SNX4: variants seen among roughly 807,000 people sequenced by gnomAD.
SNX4 encodes the protein sorting nexin 4, also known as sorting nexin-4.
Under a neutral mutation model 70.8 loss-of-function variants are expected in SNX4, and 49 were observed. The observed-to-expected ratio is 0.69, with a 90% confidence interval of 0.55 to 0.88. The LOEUF (loss-of-function observed/expected upper bound fraction) is 0.88. SNX4 is among the 40% of genes least tolerant of loss of function. The probability of loss-of-function intolerance (pLI) is 0.00; values close to 1 mark genes in which losing one functional copy is unlikely to be tolerated. For synonymous variants in SNX4, 206 were observed against 183.8 expected (o/e 1.12, Z -0.98); for missense variants, 528 against 544.8 (o/e 0.97, Z 0.31).
At chr3:125,515,417 T>C (rs1345213723) in intron 1 of SNX4, among the ~76,000 whole-genome samples, 2 of 151,358 alleles carry the variant, frequency 1.3e-5, no homozygotes, top group Non-Finnish European at 2.9e-5. Context: ...ATCCCAGCAA[T>C]TTGGGGGGCT....
intron 6 of SNX4, among the ~76,000 whole-genome samples, chr3:125,486,326 G>GA (rs1189301211): frequency 6.6e-6 from 1 of 150,776 alleles, no homozygotes; most frequent in African/African-American, 2.4e-5. Context: ...TCTTTTAAAA[G>GA]AAAAAAACTA....
intron 10 of SNX4, 69 bp from the exon 11 acceptor site, chr3:125,457,434 G>A (rs1398987340): frequency 8.6e-7 from 1 of 1,166,922 alleles, no homozygotes; most frequent in Non-Finnish European, 1.3e-6. Flanking sequence ...TTCAAGGGTA[G>A]AGGAGAACCA....
chr3:125,479,915 G>A (rs79603595), intron 7 of SNX4, among the ~76,000 whole-genome samples: 7,323 of 151,880 alleles, frequency 0.048, 413 homozygotes, highest in African/African-American at 0.13. Flanking sequence ...ACTATTTCAC[G>A]GACCTTTAAA....
intron 1 of SNX4, among the ~76,000 whole-genome samples, chr3:125,514,626 A>T (rs2107574862): frequency 6.6e-6 from 1 of 152,262 alleles, no homozygotes; most frequent in Non-Finnish European, 1.5e-5. Flanking sequence ...TCCCGACCTC[A>T]GGTGATCCGC....
chr3:125,478,355 C>CT (rs1251056623), intron 7 of SNX4, among the ~76,000 whole-genome samples: 1 of 151,878 alleles, frequency 6.6e-6, no homozygotes, highest in Non-Finnish European at 1.5e-5. Context: ...CAGGTACGAG[C>CT]CACTGTGCCT....
intron 11 of SNX4, among the ~76,000 whole-genome samples, chr3:125,456,897 GTGATCCAC>G (rs1468107824): frequency 6.6e-6 from 1 of 152,010 alleles, no homozygotes; most frequent in Non-Finnish European, 1.5e-5. Flanking sequence ...CTGACCTCAG[GTGATCCAC>G]TGGCCTTGGC....
rs934255242 is a variant in SNX4, at chr3:125,446,925, T to C, written c.*854A>G. 2.6e-5 allele frequency: 4 copies of C among 152,612 alleles called. No homozygotes were observed. Among genetic ancestry groups the C allele is most frequent in the Non-Finnish European group, 5.9e-5 (4 of 68,040 alleles). 9.5% of individuals were successfully genotyped at this position (152,612 alleles called of 1,614,324 possible). ...AAGCAATAGAAAAGAAGGATGTTAA[T>C]GATGAAGATAGCAACACATATGTTT... On this transcript the variant is annotated 3_prime_UTR_variant, in exon 14 of 14. Coordinates refer to ENST00000251775, the MANE Select transcript of SNX4 (RefSeq NM_003794.4).
At position 125,489,327 on chromosome 3, in the gene SNX4, T is replaced by C. The variant is rs535029458; in HGVS notation, c.653+81A>G. ...TAAACTATTTAGCAAATAAAGTGCA[T>C]ACATTCAGAAATGAAAAATTAAATA... On this transcript the variant is annotated intron_variant, in intron 6 of 13. Coordinates refer to ENST00000251775, the MANE Select transcript of SNX4 (RefSeq NM_003794.4). 1.9e-3 allele frequency: 1,998 copies of C among 1,038,324 alleles called. 2 individuals are homozygous for C. The highest frequency in any genetic ancestry group is 2.7e-3 in the Non-Finnish European group (1,814 of 675,952). 64.3% of individuals were successfully genotyped at this position (1,038,324 alleles called of 1,614,324 possible). A position where few individuals can be genotyped will look rare whatever the true frequency, so the allele number is the denominator to read the frequency against.
chr3:125,450,942 T>C (rs572729042), intron 13 of SNX4, among the ~76,000 whole-genome samples: 62 of 152,136 alleles, frequency 4.1e-4, no homozygotes, highest in African/African-American at 1.4e-3. Flanking sequence ...TTTAGATGAG[T>C]GGAGACTCAG....
At chr3:125,489,156 G>A (rs1048547894) in intron 6 of SNX4, among the ~76,000 whole-genome samples, 7 of 152,088 alleles carry the variant, frequency 4.6e-5, no homozygotes, top group African/African-American at 1.7e-4. Context: ...TCATTTTTCT[G>A]ATATCTGCAA....
At chr3:125,448,493 T>C (rs1933486722) in intron 13 of SNX4, among the ~76,000 whole-genome samples, 1 of 151,838 alleles carries the variant, frequency 6.6e-6, no homozygotes, top group Non-Finnish European at 1.5e-5. Context: ...AAATATAAAT[T>C]GAGTTATTAA....
rs1453374083 is a variant in SNX4, at chr3:125,476,631, A to T, written c.788+64T>A. The stretch of plus-strand genomic sequence containing the variant: ...TCTCCACACTCATAAATGTTCAAGA[A>T]TTATTGTTTTCAGGCAAAAAGGTAA... On this transcript the variant is annotated intron_variant, in intron 8 of 13. Transcript: ENST00000251775. 3 of 968,304 alleles carry T rather than the reference A, an allele frequency of 3.1e-6. No homozygotes were observed. In the African/African-American group the frequency reaches 4.9e-5, roughly 16 times the overall value. The allele number at this position is 968,304 out of a possible 1,614,324, so 60.0% of individuals were successfully genotyped here.
At chr3:125,465,049 T>G (rs915606658) in intron 9 of SNX4, among the ~76,000 whole-genome samples, 1 of 151,754 alleles carries the variant, frequency 6.6e-6, no homozygotes, top group Non-Finnish European at 1.5e-5. Context: ...CGGGCCTAAT[T>G]TTTGTAGTTT....
At chr3:125,513,462 A>G (rs919497978) in intron 1 of SNX4, among the ~76,000 whole-genome samples, 4 of 152,242 alleles carry the variant, frequency 2.6e-5, no homozygotes, top group Non-Finnish European at 4.4e-5. Context: ...ATGCATATCA[A>G]GAGTTTTTAA....
At chr3:125,482,501 T>C (rs182085331) in intron 6 of SNX4, among the ~76,000 whole-genome samples, 2 of 152,070 alleles carry the variant, frequency 1.3e-5, no homozygotes, top group African/African-American at 4.8e-5. Flanking sequence ...AAATTCAGAT[T>C]AGCATCATCA....
chr3:125,513,703 C>T (rs1935216136), intron 1 of SNX4, among the ~76,000 whole-genome samples: 1 of 152,188 alleles, frequency 6.6e-6, no homozygotes, highest in South Asian at 2.1e-4. Context: ...CTGAAACATT[C>T]AGAGAGTTAA....
At chr3:125,468,128 G>C (rs1486967415) in intron 9 of SNX4, among the ~76,000 whole-genome samples, 2 of 152,162 alleles carry the variant, frequency 1.3e-5, no homozygotes, top group East Asian at 3.8e-4. Context: ...TATCCTAAGT[G>C]AATTAACACA....
intron 13 of SNX4, among the ~76,000 whole-genome samples, chr3:125,448,437 G>T (rs1933485137): frequency 6.6e-6 from 1 of 151,522 alleles, no homozygotes; most frequent in African/African-American, 2.4e-5. Flanking sequence ...GCCCGGCTCG[G>T]TTTTTTCAAT....
rs760838145 is a variant in SNX4, at chr3:125,493,994, A to G, written c.597+3347T>C. On this transcript the variant is annotated intron_variant, in intron 5 of 13. Coordinates refer to ENST00000251775, the MANE Select transcript of SNX4 (RefSeq NM_003794.4). ...GGAGCTTGTAGTGAGCAGAGATTGC[A>G]CCACTGCACTCCAGCCGGGGCGACA... 1.3e-3 allele frequency among the ~76,000 whole-genome samples: 190 copies of G among 151,152 alleles called. 3 individuals are homozygous for G. The highest frequency in any genetic ancestry group is 3.4e-3 in the Middle Eastern group (1 of 292).
Sources: gnomAD v4.1 joint callset for allele counts (sites outside exome capture counted in the v4.1 genomes callset) on GRCh38, gnomAD v4.1.1 for gene constraint, MANE v1.5 for transcripts, NCBI Gene and HGNC (gene_info 2026-07-23, HGNC 2026-07-21) for gene names.